The following PPP1R9B variants were observed in gnomAD, a reference collection of about 807,000 sequenced individuals.
PPP1R9B encodes the protein protein phosphatase 1 regulatory subunit 9B, also known as neurabin-2.
A neutral mutation model predicts 75.8 loss-of-function variants in PPP1R9B; 17 were observed. The observed-to-expected ratio is 0.22, with a 90% CI of 0.15 to 0.34. PPP1R9B has a LOEUF of 0.34. Ranked by LOEUF, PPP1R9B falls within the 10% of genes least tolerant of loss-of-function variation. The pLI, the probability that PPP1R9B is intolerant of heterozygous loss-of-function variation, is 1.00. For missense variants in PPP1R9B, 875 were observed against 1,196.0 expected, an observed-to-expected ratio of 0.73 and a Z score of 3.96; for synonymous variants, 509 against 535.4, an observed-to-expected ratio of 0.95 and a Z score of 0.68.
chr17:50,140,422 C>T (rs778402178), intron 4 of PPP1R9B, 194 bp from the exon 5 acceptor site: 3 of 710,684 alleles, frequency 4.2e-6, no homozygotes, highest in Non-Finnish European at 6.8e-6. Flanking sequence ...CCAAGGGAGG[C>T]AGGAAGGCCC....
chr17:50,143,012 C>G (rs1912425648), intron 3 of PPP1R9B, among the ~76,000 whole-genome samples: 1 of 152,200 alleles, frequency 6.6e-6, no homozygotes, highest in Non-Finnish European at 1.5e-5. Flanking sequence ...AGCCTTAGCT[C>G]TCAGCTCCAG....
At chr17:50,138,195 T>TGTGTGC (rs1555564448) in intron 7 of PPP1R9B, among the ~76,000 whole-genome samples, 3 of 144,992 alleles carry the variant, frequency 2.1e-5, no homozygotes, top group African/African-American at 7.8e-5. Context: ...TGTGTGTGTG[T>TGTGTGC]GCCACGTGTC....
At chr17:50,145,383 C>T (rs1346650977) in intron 1 of PPP1R9B, 138 bp from the exon 2 acceptor site, 11 of 1,084,952 alleles carry the variant, frequency 1.0e-5, no homozygotes, top group Non-Finnish European at 1.5e-5. Flanking sequence ...TCACCCAGTC[C>T]CCTGAGACCC....
rs1159224429 is a variant in PPP1R9B at position 50,141,698 on chromosome 17, AAAC to A, written c.1626-328_1626-326del. Among the ~76,000 whole-genome samples, 9 of 152,040 alleles carry A rather than the reference AAAC, an allele frequency of 5.9e-5. No homozygotes were observed. In the East Asian group the frequency reaches 1.5e-3, roughly 26 times the overall value. On this transcript the variant is annotated intron_variant, in intron 3 of 9. Transcript: ENST00000612501. ...AAAAACAAAAAAAAACAAGAAAAGA[AAAC>A]AACAACAAAAAACCTCACAGATACT...
rs2144463479 is a variant in PPP1R9B, at chr17:50,150,515, G to A, written c.-2C>T. ...CCCCCGTGGCTCCGTCTTCATCATG[G>A]TGGGGGGAGCCGGGTTCGCATGCCC... On this transcript the variant is annotated 5_prime_UTR_variant, in exon 1 of 10. Transcript: ENST00000612501. The surrounding 1 kb of genome is among the most constrained non-coding windows in gnomAD (Gnocchi z 8.7). 1.5e-6 allele frequency: 2 copies of A among 1,329,186 alleles called. No homozygotes were observed. The highest frequency in any genetic ancestry group is 1.9e-6 in the Non-Finnish European group (2 of 1,038,290). The allele number at this position is 1,329,186 out of a possible 1,614,324, so 82.3% of individuals were successfully genotyped here. A position where few individuals can be genotyped will look rare whatever the true frequency, so the allele number is the denominator to read the frequency against.
At position 50,143,541 on chromosome 17, in the gene PPP1R9B, A is replaced by G. The variant is rs375536849; in HGVS notation, c.1625+57T>C. ...CCCCTGCTCAGTGGCCCACCCCACC[A>G]AGGATGGCCGGTCGGAGAGGGAAAA... On this transcript the variant is annotated intron_variant, in intron 3 of 9. Transcript: ENST00000612501. The G allele has an allele frequency of 1.3e-3, 1,890 of 1,467,968 alleles. 24 individuals are homozygous for G. In the African/African-American group the frequency reaches 0.023, roughly 18 times the overall value. 90.9% of individuals were successfully genotyped at this position (1,467,968 alleles called of 1,614,324 possible).
At position 50,136,339 on chromosome 17, in the gene PPP1R9B, G is replaced by C. The variant is rs146986386; in HGVS notation, c.2074-142C>G. The C allele has an allele frequency of 4.7e-5, 32 of 680,360 alleles. No homozygotes were observed. The African/African-American group carries it at 4.9e-4, about 10-fold the overall frequency. The allele number at this position is 680,360 out of a possible 1,614,324, so 42.1% of individuals were successfully genotyped here. The stretch of plus-strand genomic sequence containing the variant: ...GCACCCCAACTACTAACCCTCTTTG[G>C]CTGAGCCTGAGAACTGAAACCCAGA... On this transcript the variant is annotated intron_variant, in intron 7 of 9. Transcript: ENST00000612501.
rs1213201717 is a variant in PPP1R9B, at chr17:50,139,224, C to T, written c.2073+39G>A. On this transcript the variant is annotated intron_variant, in intron 7 of 9. Coordinates refer to ENST00000612501, the MANE Select transcript of PPP1R9B (RefSeq NM_032595.5). This position sits in a 1 kb window ranked among gnomAD's most constrained non-coding sequence, Gnocchi z 5.0. ...GGGGGACCCTGCTCCTCAACACACA[C>T]ATGCACGCACGCAAAAGCACACACA... is the stretch of plus-strand genomic sequence containing the variant. The T allele has an allele frequency of 6.2e-7, 1 of 1,613,086 alleles. No individual in the cohort carries two copies. The highest frequency in any genetic ancestry group is 8.5e-7 in the Non-Finnish European group (1 of 1,179,024).
In PPP1R9B at chr17:50,139,735, C is replaced by T. The variant is rs185224169; in HGVS notation, c.1867-154G>A. Among the ~76,000 whole-genome samples, 8 of 152,284 alleles carry T rather than the reference C, an allele frequency of 5.3e-5. No homozygotes were observed. The South Asian group carries it at 1.5e-3, about 28-fold the overall frequency. ...TCAGCCTGAGGCTGGACCAGAGACA[C>T]GGTTTATGTCTTCCCCCAACAGCCT... is the stretch of plus-strand genomic sequence containing the variant. On this transcript the variant is annotated intron_variant, in intron 5 of 9. Coordinates refer to ENST00000612501, the MANE Select transcript of PPP1R9B (RefSeq NM_032595.5). The surrounding 1 kb of genome is among the most constrained non-coding windows in gnomAD (Gnocchi z 5.0).
rs1054693013 is a variant in PPP1R9B at position 50,149,621 on chromosome 17, A to C, written c.893T>G (p.Ile298Ser). 1.9e-6 allele frequency: 3 copies of C among 1,542,972 alleles called. No individual in the cohort carries two copies. The highest frequency in any genetic ancestry group is 1.4e-5 in the African/African-American group (1 of 72,418). ...GCTCTCCTCCACCTCCACCGGCTTA[A>C]TCTTGCGCACCTCCCGGGGCTTGGG... is the stretch of plus-strand genomic sequence containing the variant. ...PPPKPREVRK[I>S]KPVEVEESGE... Residue 298 changes from isoleucine to serine, a missense_variant, in exon 1 of 10, where the codon ATT becomes AGT. Ile to Ser is a moderately radical substitution (Grantham distance 142). Transcript: ENST00000612501. The surrounding 1 kb of genome is among the most constrained non-coding windows in gnomAD (Gnocchi z 7.2).
rs756899491 is a variant in PPP1R9B, at chr17:50,145,154, C to T, written c.1463G>A (p.Arg488His). ...AASAEYELEKRVERLELFPVE... is the reference protein window; with the variant it reads ...AASAEYELEKHVERLELFPVE... The stretch of plus-strand genomic sequence containing the variant: ...AGGGAACAGCTCCAACCTCTCCACA[C>T]GCTTCTCCAGCTCGTACTCAGCAGA... The change falls in exon 2 of 10, where the codon CGT becomes CAT. Residue 488 changes from arginine (R) to histidine (H), a missense_variant. Physicochemically the swap from Arg to His is conservative, Grantham distance 29. Coordinates refer to ENST00000612501, the MANE Select transcript of PPP1R9B (RefSeq NM_032595.5). The T allele has an allele frequency of 3.1e-6, 5 of 1,614,028 alleles. No individual in the cohort carries two copies. Among genetic ancestry groups the T allele is most frequent in the South Asian group, 1.1e-5 (1 of 91,092 alleles).
chr17:50,150,064 C>A lies in PPP1R9B; in HGVS notation c.450G>T (p.Leu150=), dbSNP rs1415024500. ...CGGCCGCTGGGGCGCTCCGTTCGAA[C>A]AGCTTCCGCGTCTCCTGCAGCCGGG... ...PPSRLQETRK[L]FERSAPAAAG... is the part of the protein sequence containing the mutation. The change falls in exon 1 of 10, where the codon CTG becomes CTT. Residue 150 remains leucine, a synonymous_variant. Transcript: ENST00000612501. The surrounding 1 kb of genome is among the most constrained non-coding windows in gnomAD (Gnocchi z 8.7). The A allele has an allele frequency of 1.6e-5, 23 of 1,457,212 alleles. No individual in the cohort carries two copies. Among genetic ancestry groups the A allele is most frequent in the Non-Finnish European group, 2.0e-5 (22 of 1,113,406 alleles). The allele number at this position is 1,457,212 out of a possible 1,614,324, so 90.3% of individuals were successfully genotyped here. A position where few individuals can be genotyped will look rare whatever the true frequency, so the allele number is the denominator to read the frequency against.
chr17:50,150,276 G>T lies in PPP1R9B; in HGVS notation c.238C>A (p.Leu80Met). 7.0e-7 allele frequency: 1 copy of T among 1,422,480 alleles called. No individual in the cohort carries two copies. Among genetic ancestry groups the T allele is most frequent in the Non-Finnish European group, 9.2e-7 (1 of 1,085,940 alleles). 88.1% of individuals were successfully genotyped at this position (1,422,480 alleles called of 1,614,324 possible). A position where few individuals can be genotyped will look rare whatever the true frequency, so the allele number is the denominator to read the frequency against. The change falls in exon 1 of 10, where the codon CTG becomes ATG. Residue 80 changes from leucine to methionine, a missense_variant. Physicochemically the swap from Leu to Met is conservative, Grantham distance 15. Around this residue, in one of 4 missense-constraint regions of PPP1R9B, gnomAD observed 145 missense variants for 226.1 expected, o/e 0.64. Transcript: ENST00000612501. The surrounding 1 kb of genome is among the most constrained non-coding windows in gnomAD (Gnocchi z 8.7). ...PSGEAGGGAGLAEAPRASERG... is the reference protein window; with the variant it reads ...PSGEAGGGAGMAEAPRASERG... ...TCGGACGCCCGTGGGGCCTCGGCCAGGCCCGCGCCGCCGCCCGCCTCGCCC... is the reference window on the plus strand; with the variant it reads ...TCGGACGCCCGTGGGGCCTCGGCCATGCCCGCGCCGCCGCCCGCCTCGCCC...
Position 50,142,530 on chromosome 17 carries a change from C to A in PPP1R9B, c.1625+1068G>T, listed in dbSNP as rs1912413174. ...AACAGGTAGAAGCCCCTTGACAGGGCAGCCCCATCTCTAGAAACAAGATCC... is the reference window on the plus strand; with the variant it reads ...AACAGGTAGAAGCCCCTTGACAGGGAAGCCCCATCTCTAGAAACAAGATCC... On this transcript the variant is annotated intron_variant, in intron 3 of 9. Transcript: ENST00000612501. The surrounding 1 kb of genome is among the most constrained non-coding windows in gnomAD (Gnocchi z 4.1). Among the ~76,000 whole-genome samples, 1 of 152,200 alleles carries A rather than the reference C, an allele frequency of 6.6e-6. No individual in the cohort carries two copies. Among genetic ancestry groups the A allele is most frequent in the African/African-American group, 2.4e-5 (1 of 41,434 alleles).
At chr17:50,141,463 C>A in intron 3 of PPP1R9B, 90 bp from the exon 4 acceptor site, 1 of 768,822 alleles carries the variant, frequency 1.3e-6, no homozygotes. Context: ...CCAGGCTCCC[C>A]AGCCTGAGTA....
At position 50,139,355 on chromosome 17, in the gene PPP1R9B, T is replaced by C. The variant is rs1024725035; in HGVS notation, c.2020-39A>G. 1.2e-6 allele frequency: 2 copies of C among 1,613,798 alleles called. No homozygotes were observed. Among genetic ancestry groups the C allele is most frequent in the African/African-American group, 2.7e-5 (2 of 74,944 alleles). The stretch of plus-strand genomic sequence containing the variant: ...GGGCAGGCACTCAGCTCCAGCAGGG[T>C]GGGGCAGGCAGTGCCAAGGGCAGGA... On this transcript the variant is annotated intron_variant, in intron 6 of 9. Transcript: ENST00000612501. The surrounding 1 kb of genome is among the most constrained non-coding windows in gnomAD (Gnocchi z 5.0).
In PPP1R9B at chr17:50,149,842, G is replaced by T; in HGVS notation, c.672C>A (p.Leu224=). 6.8e-7 allele frequency: 1 copy of T among 1,475,342 alleles called. No homozygotes were observed. Among genetic ancestry groups the T allele is most frequent in the Non-Finnish European group, 8.9e-7 (1 of 1,118,622 alleles). The allele number at this position is 1,475,342 out of a possible 1,614,324, so 91.4% of individuals were successfully genotyped here. ...VFEKADSRTG[L]HRGPGLPRAA... ...CCCTGGGGAGCCCGGGCCCGCGGTG[G>T]AGGCCGGTCCTCGAGTCGGCCTTCT... The change falls in exon 1 of 10, where the codon CTC becomes CTA. Residue 224 remains leucine (L), a synonymous_variant. Coordinates refer to ENST00000612501, the MANE Select transcript of PPP1R9B (RefSeq NM_032595.5). This position sits in a 1 kb window ranked among gnomAD's most constrained non-coding sequence, Gnocchi z 7.2.
At chr17:50,144,206 T>C (rs1305041140) in intron 2 of PPP1R9B, among the ~76,000 whole-genome samples, 2 of 152,112 alleles carry the variant, frequency 1.3e-5, no homozygotes, top group Non-Finnish European at 2.9e-5. Flanking sequence ...TCCCAACTAA[T>C]GACCTTCCCC....
intron 7 of PPP1R9B, among the ~76,000 whole-genome samples, chr17:50,136,652 C>T (rs1912238853): frequency 6.6e-6 from 1 of 152,164 alleles, no homozygotes; most frequent in Non-Finnish European, 1.5e-5. Flanking sequence ...CCAGTCTCTG[C>T]ACTTGTGGCT....
Sources: gnomAD v4.1 joint callset for allele counts (sites outside exome capture counted in the v4.1 genomes callset) on GRCh38, gnomAD v4.1.1 for gene constraint, gnomAD v4.1.1 regional missense constraint, Gnocchi (gnomAD v3.1) non-coding constraint, MANE v1.5 for transcripts, NCBI Gene and HGNC (gene_info 2026-07-23, HGNC 2026-07-21) for gene names.